PACSIN1: variants seen among roughly 807,000 people sequenced by gnomAD.
PACSIN1 encodes the protein protein kinase C and casein kinase substrate in neurons protein 1.
A neutral mutation model predicts 59.5 loss-of-function variants in PACSIN1; 15 were observed. The ratio of observed to expected loss-of-function variants is 0.25; its 90% CI spans 0.17 to 0.39. The LOEUF (loss-of-function observed/expected upper bound fraction) is 0.39. Among genes scored for constraint, PACSIN1 ranks in the 10% least tolerant of loss-of-function variants. The probability of loss-of-function intolerance (pLI) is 1.00; values close to 1 mark genes in which losing one functional copy is unlikely to be tolerated. For synonymous variants in PACSIN1, 210 were observed against 220.6 expected (o/e 0.95, Z 0.42); for missense variants, 420 against 580.2 (o/e 0.72, Z 2.84).
At chr6:34,475,666 G>A (rs1766629279) in intron 1 of PACSIN1, among the ~76,000 whole-genome samples, 1 of 152,182 alleles carries the variant, frequency 6.6e-6, no homozygotes, top group Non-Finnish European at 1.5e-5. Context: ...AGCTCTCAGG[G>A]GAAGGGGGCA....
At chr6:34,480,778 G>T (rs899579689) in intron 1 of PACSIN1, among the ~76,000 whole-genome samples, 1 of 152,140 alleles carries the variant, frequency 6.6e-6, no homozygotes, top group Non-Finnish European at 1.5e-5. Context: ...TAGGGTATGT[G>T]ATCTTCAATC....
intron 1 of PACSIN1, among the ~76,000 whole-genome samples, chr6:34,479,337 A>G (rs1766683716): frequency 6.6e-6 from 1 of 151,664 alleles, no homozygotes; most frequent in Admixed American, 6.6e-5. Context: ...ACTGGAACCC[A>G]CCATTCTAAA....
intron 1 of PACSIN1, among the ~76,000 whole-genome samples, chr6:34,500,123 T>C (rs937208564): frequency 6.6e-6 from 1 of 152,072 alleles, no homozygotes; most frequent in African/African-American, 2.4e-5. Flanking sequence ...AAAGAAGATA[T>C]ACAGTTGGTC....
rs1435523231 is a variant in PACSIN1, at chr6:34,471,032, G to A, written c.-64+4762G>A. 4.6e-5 allele frequency among the ~76,000 whole-genome samples: 7 copies of A among 151,976 alleles called. No individual in the cohort carries two copies. The South Asian group carries it at 8.3e-4, about 18-fold the overall frequency. On this transcript the variant is annotated intron_variant, in intron 1 of 9. Coordinates refer to ENST00000244458, the MANE Select transcript of PACSIN1 (RefSeq NM_020804.5). ...GCGATCTAGGCTCACTGCAACCTCC[G>A]CCTCCCAGGTTCAAGTGATTCTCCT... is the stretch of plus-strand genomic sequence containing the variant.
rs567280218 is a variant in PACSIN1, at chr6:34,531,794, CG to C, written c.1225+9del. The C allele has an allele frequency of 5.4e-4, 838 of 1,552,776 alleles. No individual in the cohort carries two copies. Among genetic ancestry groups the C allele is most frequent in the Middle Eastern group, 8.7e-4 (5 of 5,744 alleles). Reference sequence around the variant, plus strand: ...GAGCTCAGCTTTAAGGCCGGTAGGACGGCTGGGCGGGGCAGTGCCTGAGAGA... The same window carrying C: ...GAGCTCAGCTTTAAGGCCGGTAGGACGCTGGGCGGGGCAGTGCCTGAGAGA... On this transcript the variant is annotated splice_region_variant and intron_variant, in intron 9 of 9. Transcript: ENST00000244458. The surrounding 1 kb of genome is among the most constrained non-coding windows in gnomAD (Gnocchi z 4.4).
In PACSIN1 at chr6:34,529,741, G is replaced by A. The variant is rs1402991074; in HGVS notation, c.688G>A (p.Val230Met). ...TPQYMENMEQ[V>M]FEQCQQFEEK... ...CCAGTACATGGAGAACATGGAGCAG[G>A]TGTTTGAGCAATGCCAGCAATTTGA... Residue 230 changes from valine to methionine, a missense_variant, in exon 6 of 10, where the codon GTG (valine) becomes ATG (methionine). Coordinates refer to ENST00000244458, the MANE Select transcript of PACSIN1 (RefSeq NM_020804.5). The surrounding 1 kb of genome is among the most constrained non-coding windows in gnomAD (Gnocchi z 6.3). 1.4e-5 allele frequency: 22 copies of A among 1,614,068 alleles called. No individual in the cohort carries two copies. Among genetic ancestry groups the A allele is most frequent in the Non-Finnish European group, 1.9e-5 (22 of 1,180,054 alleles).
chr6:34,474,930 C>A (rs1340314172), intron 1 of PACSIN1, among the ~76,000 whole-genome samples: 1 of 152,148 alleles, frequency 6.6e-6, no homozygotes, highest in Admixed American at 6.5e-5. Flanking sequence ...AAACACCCTG[C>A]CCCAGGGCCT....
At chr6:34,508,080 T>C (rs958394514) in intron 1 of PACSIN1, among the ~76,000 whole-genome samples, 1 of 148,984 alleles carries the variant, frequency 6.7e-6, no homozygotes, top group African/African-American at 2.5e-5. Flanking sequence ...GTGGTATTGA[T>C]GGATCGTATG....
intron 1 of PACSIN1, among the ~76,000 whole-genome samples, chr6:34,491,877 G>C (rs757612396): frequency 4.6e-5 from 7 of 152,184 alleles, no homozygotes; most frequent in Non-Finnish European, 1.0e-4. Context: ...CTCCCAAAGT[G>C]CTGGGATTAC....
chr6:34,497,807 G>T (rs1289172222), intron 1 of PACSIN1, among the ~76,000 whole-genome samples: 2 of 152,176 alleles, frequency 1.3e-5, no homozygotes, highest in Non-Finnish European at 2.9e-5. Flanking sequence ...TCTAGGGCTA[G>T]AATCTCCCAA....
intron 1 of PACSIN1, among the ~76,000 whole-genome samples, chr6:34,484,797 A>T (rs903021805): frequency 1.3e-5 from 2 of 152,152 alleles, no homozygotes; most frequent in African/African-American, 4.8e-5. Context: ...TAAAAAATAT[A>T]TATATATCCA....
intron 1 of PACSIN1, among the ~76,000 whole-genome samples, chr6:34,496,104 G>A (rs1480760418): frequency 6.6e-6 from 1 of 152,206 alleles, no homozygotes; most frequent in Non-Finnish European, 1.5e-5. Flanking sequence ...GCAGATGCAG[G>A]TGATTGTGCC....
intron 1 of PACSIN1, among the ~76,000 whole-genome samples, chr6:34,492,594 C>A (rs1766894632): frequency 6.6e-6 from 1 of 152,148 alleles, no homozygotes; most frequent in South Asian, 2.1e-4. Flanking sequence ...GTTGGTCAGG[C>A]TGGTCTCGAA....
chr6:34,491,484 T>G (rs1057093216), intron 1 of PACSIN1, among the ~76,000 whole-genome samples: 1 of 152,058 alleles, frequency 6.6e-6, no homozygotes, highest in African/African-American at 2.4e-5. Context: ...TGACACCAAC[T>G]GGGGTAGGTT....
rs1166473137 is a variant in PACSIN1 at position 34,516,208 on chromosome 6, G to A, written c.-63-10035G>A. On this transcript the variant is annotated intron_variant, in intron 1 of 9. Transcript: ENST00000244458. This position sits in a 1 kb window ranked among gnomAD's most constrained non-coding sequence, Gnocchi z 5.4. ...GGGTGTCCCCTTCCCATGGGCACTC[G>A]GGTCAGAGGGCCTGGTGCAGGGGCT... is the stretch of plus-strand genomic sequence containing the variant. Among the ~76,000 whole-genome samples, 1 of 152,170 alleles carries A rather than the reference G, an allele frequency of 6.6e-6. No homozygotes were observed. Among genetic ancestry groups the A allele is most frequent in the Non-Finnish European group, 1.5e-5 (1 of 68,018 alleles).
intron 1 of PACSIN1, among the ~76,000 whole-genome samples, chr6:34,482,511 C>T (rs1766733428): frequency 6.6e-6 from 1 of 152,296 alleles, no homozygotes; most frequent in South Asian, 2.1e-4. Context: ...TGTTTATCCA[C>T]TCATCCATTG....
intron 1 of PACSIN1, among the ~76,000 whole-genome samples, chr6:34,476,724 C>T (rs1561955221): frequency 6.6e-6 from 1 of 152,242 alleles, no homozygotes; most frequent in South Asian, 2.1e-4. Context: ...CCCCTTGCAC[C>T]AGCTGGCCTG....
At chr6:34,470,056 G>A (rs1766549900) in intron 1 of PACSIN1, among the ~76,000 whole-genome samples, 1 of 152,200 alleles carries the variant, frequency 6.6e-6, no homozygotes. Context: ...GGGCTGGGCT[G>A]GAGACTGGGG....
Position 34,528,648 on chromosome 6 carries a change from A to C in PACSIN1, c.227A>C (p.Gln76Pro). Residue 76 changes from glutamine to proline, a missense_variant, in exon 4 of 10, where the codon CAG becomes CCG. Transcript: ENST00000244458. ...CCTATTGCCATTCCCTCAGGCCCACAGTATGGCAGCCTGGAGCGGGCCTGG... is the reference window on the plus strand; with the variant it reads ...CCTATTGCCATTCCCTCAGGCCCACCGTATGGCAGCCTGGAGCGGGCCTGG... ...RWRQLIEKGPQYGSLERAWGA... is the reference protein window; with the variant it reads ...RWRQLIEKGPPYGSLERAWGA... 6.2e-7 allele frequency: 1 copy of C among 1,613,534 alleles called. No homozygotes were observed. The highest frequency in any genetic ancestry group is 8.5e-7 in the Non-Finnish European group (1 of 1,179,678).
Sources: allele counts gnomAD v4.1 joint callset (sites outside exome capture counted in the v4.1 genomes callset), GRCh38; gene constraint gnomAD v4.1.1; non-coding constraint Gnocchi (gnomAD v3.1); transcripts MANE v1.5; gene names NCBI Gene and HGNC (gene_info 2026-07-23, HGNC 2026-07-21).